PNLIPRP3: variants seen among roughly 807,000 people sequenced by gnomAD.
PNLIPRP3 encodes pancreatic lipase-related protein 3.
In PNLIPRP3, 58 loss-of-function variants were observed where a neutral mutation model predicts 52.8. That is an observed-to-expected ratio of 1.10 (90% CI 0.89 to 1.37). The LOEUF (loss-of-function observed/expected upper bound fraction) is 1.37. Ranked by LOEUF, PNLIPRP3 falls within the 40% of genes most tolerant of loss-of-function variation. The pLI is 0.00. For synonymous variants in PNLIPRP3, 192 were observed against 185.0 expected, an observed-to-expected ratio of 1.04 and a Z score of -0.31; for missense variants, 593 against 561.6, an observed-to-expected ratio of 1.06 and a Z score of -0.57.
At chr10:116,456,268 C>T (rs7090398) in intron 5 of PNLIPRP3, among the ~76,000 whole-genome samples, 9,999 of 152,192 alleles carry the variant, frequency 0.066, 784 homozygotes, top group African/African-American at 0.18. Context: ...CATTCTAGTA[C>T]ATGATACAGA....
At chr10:116,458,023 T>C (rs1317172867) in intron 5 of PNLIPRP3, among the ~76,000 whole-genome samples, 1 of 152,154 alleles carries the variant, frequency 6.6e-6, no homozygotes, top group Non-Finnish European at 1.5e-5. Context: ...AGATTTTAGC[T>C]GTATAATTAA....
chr10:116,431,494 G>A (rs936534114), intron 1 of PNLIPRP3, among the ~76,000 whole-genome samples: 1 of 151,978 alleles, frequency 6.6e-6, no homozygotes, highest in African/African-American at 2.4e-5. Context: ...TAAACATACT[G>A]TATATAATAC....
chr10:116,466,146 G>A lies in PNLIPRP3; in HGVS notation c.905G>A (p.Arg302Lys). 6.2e-7 allele frequency: 1 copy of A among 1,606,582 alleles called. No individual in the cohort carries two copies. Among genetic ancestry groups the A allele is most frequent in the South Asian group, 1.1e-5 (1 of 90,692 alleles). The change falls in exon 8 of 12, where the codon AGA becomes AAA. Residue 302 changes from arginine (R) to lysine (K), a missense_variant. Arg to Lys is a conservative substitution (Grantham distance 26). Coordinates refer to ENST00000369230, the MANE Select transcript of PNLIPRP3 (RefSeq NM_001011709.3). ...GATGCATTTATTGCTTATCCTTGTA[G>A]ATCCTACACATCTTTTAAAGCAGTA... ...NPDAFIAYPC[R>K]SYTSFKAGNC...
intron 7 of PNLIPRP3, among the ~76,000 whole-genome samples, chr10:116,461,735 T>C (rs1007685801): frequency 6.6e-6 from 1 of 152,134 alleles, no homozygotes; most frequent in Non-Finnish European, 1.5e-5. Context: ...GGGAATATGA[T>C]GTGTTGGTGA....
chr10:116,473,274 A>C, intron 10 of PNLIPRP3, among the ~76,000 whole-genome samples: 1 of 152,234 alleles, frequency 6.6e-6, no homozygotes, highest in East Asian at 1.9e-4. Context: ...TCTATTCTTC[A>C]AACAAGTTTT....
chr10:116,464,927 G>A (rs1014819727), intron 7 of PNLIPRP3, among the ~76,000 whole-genome samples: 1 of 152,234 alleles, frequency 6.6e-6, no homozygotes, highest in Non-Finnish European at 1.5e-5. Context: ...CGTGGGGTGG[G>A]ATGGCTACAG....
intron 3 of PNLIPRP3, among the ~76,000 whole-genome samples, chr10:116,443,787 A>ATG (rs1564695548): frequency 9.6e-4 from 14 of 14,518 alleles, no homozygotes; most frequent in Non-Finnish European, 2.7e-3. Flanking sequence ...GTGTGTGTGT[A>ATG]TGTATGTGTG....
chr10:116,434,374 A>G (rs1186564184), intron 1 of PNLIPRP3, among the ~76,000 whole-genome samples: 1 of 152,188 alleles, frequency 6.6e-6, no homozygotes, highest in Non-Finnish European at 1.5e-5. Context: ...AATATTCCTC[A>G]ATACCATAAT....
In PNLIPRP3 at chr10:116,453,192, G is replaced by T. The variant is rs74158466; in HGVS notation, c.457-2530G>T. 8.3e-3 allele frequency among the ~76,000 whole-genome samples: 1,266 copies of T among 152,286 alleles called. 20 individuals carry two copies. The highest frequency in any genetic ancestry group is 0.028 in the African/African-American group (1,178 of 41,556). ...TTAATGCCTGCCCTGCTGGGTTTCA[G>T]ATTTGCATGGGGCCTATTACCTCTT... On this transcript the variant is annotated intron_variant, in intron 4 of 11. Transcript: ENST00000369230.
chr10:116,443,831 A>G lies in PNLIPRP3; in HGVS notation c.325-551A>G, dbSNP rs1200702831. Reference sequence around the variant, plus strand: ...TATATATATATATATATATATATATATATATATATATATGGGTTAGGACAT... The same window carrying G: ...TATATATATATATATATATATATATGTATATATATATATGGGTTAGGACAT... On this transcript the variant is annotated intron_variant, in intron 3 of 11. Coordinates refer to ENST00000369230, the MANE Select transcript of PNLIPRP3 (RefSeq NM_001011709.3). 7.0e-5 allele frequency among the ~76,000 whole-genome samples: 6 copies of G among 85,172 alleles called. 1 individual carries two copies. The highest frequency in any genetic ancestry group is 2.2e-4 in the African/African-American group (6 of 27,270). The allele number at this position is 85,172 out of a possible 152,430, so 55.9% of individuals were successfully genotyped here.
chr10:116,463,881 T>A (rs185241851), intron 7 of PNLIPRP3, among the ~76,000 whole-genome samples: 20 of 152,170 alleles, frequency 1.3e-4, no homozygotes, highest in Admixed American at 1.0e-3. Context: ...ACACCTGTAA[T>A]CCCAGCACTT....
At chr10:116,434,391 A>C (rs557264002) in intron 1 of PNLIPRP3, among the ~76,000 whole-genome samples, 2 of 152,294 alleles carry the variant, frequency 1.3e-5, no homozygotes, top group Admixed American at 1.3e-4. Flanking sequence ...TAATTTTAAA[A>C]CTATATCCTT....
chr10:116,442,585 TA>T (rs1460331530), intron 2 of PNLIPRP3, among the ~76,000 whole-genome samples: 2 of 152,164 alleles, frequency 1.3e-5, no homozygotes, highest in Non-Finnish European at 2.9e-5. Flanking sequence ...CTTTTTGAGC[TA>T]GATGTGGTGG....
At chr10:116,438,201 A>G (rs541798499) in intron 2 of PNLIPRP3, among the ~76,000 whole-genome samples, 3 of 152,192 alleles carry the variant, frequency 2.0e-5, no homozygotes, top group Non-Finnish European at 4.4e-5. Flanking sequence ...AAAAGATTCA[A>G]AAGTCTTCTG....
intron 4 of PNLIPRP3, among the ~76,000 whole-genome samples, chr10:116,451,361 T>C (rs1846035374): frequency 6.6e-6 from 1 of 152,160 alleles, no homozygotes. Flanking sequence ...CTTTATGACA[T>C]TGGACTTGAC....
chr10:116,436,650 GA>G, intron 1 of PNLIPRP3, 60 bp from the exon 2 acceptor site: 1 of 1,445,314 alleles, frequency 6.9e-7, no homozygotes, highest in Non-Finnish European at 9.2e-7. Flanking sequence ...CTCATAGTGA[GA>G]AACACAGCCT....
intron 7 of PNLIPRP3, 64 bp from the exon 8 acceptor site, chr10:116,465,986 G>T: frequency 8.3e-7 from 1 of 1,200,802 alleles, no homozygotes; most frequent in Non-Finnish European, 1.2e-6. Context: ...CTGTTTCTAA[G>T]ATATGGTTTA....
At chr10:116,456,331 G>C (rs949749589) in intron 5 of PNLIPRP3, among the ~76,000 whole-genome samples, 1 of 152,094 alleles carries the variant, frequency 6.6e-6, no homozygotes, top group Admixed American at 6.5e-5. Context: ...AGAAGAGAAG[G>C]ACTGTAATGT....
At chr10:116,455,515 T>C (rs1846099340) in intron 4 of PNLIPRP3, among the ~76,000 whole-genome samples, 1 of 152,200 alleles carries the variant, frequency 6.6e-6, no homozygotes, top group African/African-American at 2.4e-5. Flanking sequence ...GGAGAGCTCC[T>C]ATAGAAGGCA....
Sources: gnomAD v4.1 joint callset for allele counts (sites outside exome capture counted in the v4.1 genomes callset) on GRCh38, gnomAD v4.1.1 for gene constraint, MANE v1.5 for transcripts, NCBI Gene and HGNC (gene_info 2026-07-23, HGNC 2026-07-21) for gene names.